Variants in ZFHX3 observed in about 807,000 individuals in gnomAD.
ZFHX3 encodes the protein zinc finger homeobox 3, also known as zinc finger homeobox protein 3.
ZFHX3 carries 42 observed loss-of-function variants against 279.1 expected under a neutral mutation model. The ratio of observed to expected loss-of-function variants is 0.15; its 90% CI spans 0.12 to 0.19. The LOEUF is 0.19. Among genes scored for constraint, ZFHX3 ranks in the 10% least tolerant of loss-of-function variants. The pLI is 1.00. For missense variants in ZFHX3, 4,981 were observed against 4,754.0 expected, an observed-to-expected ratio of 1.05 and a Z score of -1.40; for synonymous variants, 2,293 against 1,957.8, an observed-to-expected ratio of 1.17 and a Z score of -4.52.
intron 1 of ZFHX3, among the ~76,000 whole-genome samples, chr16:73,685,343 G>A (rs551338312): frequency 2.6e-5 from 4 of 152,290 alleles, no homozygotes; most frequent in African/African-American, 2.4e-5. Flanking sequence ...AATGTAAGAG[G>A]GAGGCAGAAG....
intron 5 of ZFHX3, among the ~76,000 whole-genome samples, chr16:73,229,154 T>C (rs2012694294): frequency 6.6e-6 from 1 of 152,188 alleles, no homozygotes; most frequent in Non-Finnish European, 1.5e-5. Flanking sequence ...TGGGAAGTGA[T>C]TCTCTGGAAA....
intron 2 of ZFHX3, among the ~76,000 whole-genome samples, chr16:73,471,918 G>A (rs1048928927): frequency 4.6e-5 from 7 of 152,090 alleles, no homozygotes; most frequent in African/African-American, 9.7e-5. Flanking sequence ...GAGCAAGCCC[G>A]CTGCATGGTG....
At chr16:73,023,566 C>G (rs2144656783) in intron 1 of ZFHX3, among the ~76,000 whole-genome samples, 1 of 152,364 alleles carries the variant, frequency 6.6e-6, no homozygotes, top group African/African-American at 2.4e-5. Flanking sequence ...CCACGATGCG[C>G]TACAGGCAGC....
At chr16:73,860,768 A>T (rs1961860950) in intron 1 of ZFHX3, among the ~76,000 whole-genome samples, 1 of 152,094 alleles carries the variant, frequency 6.6e-6, no homozygotes, top group African/African-American at 2.4e-5. Context: ...TCTGCTTGTC[A>T]TTCCTTTGGA....
At chr16:73,389,143 C>T (rs1453571817) in intron 3 of ZFHX3, 1 of 152,258 alleles carries the variant, frequency 6.6e-6, no homozygotes, top group African/African-American at 2.4e-5. Context: ...CCTCGAGTCC[C>T]TGTTGTGCTT....
rs552525395 is a variant in ZFHX3, at chr16:73,464,738, C to G, written c.-1546-8480G>C. 3.7e-4 allele frequency among the ~76,000 whole-genome samples: 56 copies of G among 152,350 alleles called. 3 individuals carry two copies. In the South Asian group the frequency reaches 0.011, roughly 29 times the overall value. Reference sequence around the variant, plus strand: ...CCTCAAATGCCGGCTGCCAATGTCACAGCTGTGCTGGGGCTCGGTCACGCC... The same window carrying G: ...CCTCAAATGCCGGCTGCCAATGTCAGAGCTGTGCTGGGGCTCGGTCACGCC... On this transcript the variant is annotated intron_variant, in intron 2 of 17. Transcript: ENST00000641206.
chr16:73,471,838 G>A (rs1463238209), intron 2 of ZFHX3, among the ~76,000 whole-genome samples: 5 of 152,064 alleles, frequency 3.3e-5, no homozygotes, highest in Admixed American at 6.6e-5. Flanking sequence ...GAATCTTTAG[G>A]GTTAGTCTTA....
At chr16:73,771,119 G>A (rs1402162306) in intron 1 of ZFHX3, among the ~76,000 whole-genome samples, 1 of 152,174 alleles carries the variant, frequency 6.6e-6, no homozygotes, top group Non-Finnish European at 1.5e-5. Context: ...AGAGACTGGG[G>A]TGATGACGGG....
intron 5 of ZFHX3, 89 bp downstream of exon 5, chr16:72,829,690 G>T: frequency 6.9e-7 from 1 of 1,459,080 alleles, no homozygotes; most frequent in Non-Finnish European, 9.6e-7. Context: ...TCCCTGACTT[G>T]TTAGCTCCAT....
chr16:73,338,819 T>C (rs182324046), intron 3 of ZFHX3, among the ~76,000 whole-genome samples: 7 of 152,296 alleles, frequency 4.6e-5, no homozygotes, highest in Admixed American at 6.5e-5. Flanking sequence ...GAGTGACTCA[T>C]GGGGCGGATT....
chr16:72,799,934 G>A lies in ZFHX3; in HGVS notation c.3967+93C>T. On this transcript the variant is annotated intron_variant, in intron 8 of 9. Coordinates refer to ENST00000268489, the MANE Select transcript of ZFHX3 (RefSeq NM_006885.4). ...CTGATCAGTTACATTCACCTTAAGA[G>A]TATTGTAAAGAATTCCTGAAAACCT... The A allele has an allele frequency of 3.6e-6, 4 of 1,115,178 alleles. No homozygotes were observed. The South Asian group carries it at 5.1e-5, about 14-fold the overall frequency. 69.1% of individuals were successfully genotyped at this position (1,115,178 alleles called of 1,614,324 possible).
intron 1 of ZFHX3, among the ~76,000 whole-genome samples, chr16:73,709,104 G>C (rs748834687): frequency 1.2e-4 from 19 of 152,096 alleles, no homozygotes; most frequent in Non-Finnish European, 2.6e-4. Flanking sequence ...GTCTACTGCA[G>C]CATTATTCAC....
intron 2 of ZFHX3, among the ~76,000 whole-genome samples, chr16:73,582,130 A>T (rs969356781): frequency 6.6e-6 from 1 of 151,996 alleles, no homozygotes; most frequent in Non-Finnish European, 1.5e-5. Context: ...CAATGGCTAG[A>T]AACTCTGGAA....
At chr16:73,325,908 C>CACAT (rs1359428543) in intron 3 of ZFHX3, among the ~76,000 whole-genome samples, 1 of 107,466 alleles carries the variant, frequency 9.3e-6, no homozygotes, top group Non-Finnish European at 2.1e-5. Flanking sequence ...CACAAACACA[C>CACAT]ACACACACAC....
chr16:73,086,928 A>G (rs1461444039), intron 8 of ZFHX3, among the ~76,000 whole-genome samples: 1 of 152,030 alleles, frequency 6.6e-6, no homozygotes, highest in Non-Finnish European at 1.5e-5. Context: ...ACAGAAAACC[A>G]AAACCACAAA....
At chr16:73,256,522 A>T (rs1324800649) in intron 5 of ZFHX3, among the ~76,000 whole-genome samples, 1 of 152,322 alleles carries the variant, frequency 6.6e-6, no homozygotes, top group Middle Eastern at 3.4e-3. Flanking sequence ...AACCTCAGAG[A>T]TTCTGACTTG....
chr16:73,727,353 G>A (rs1449311459), intron 1 of ZFHX3, among the ~76,000 whole-genome samples: 1 of 152,228 alleles, frequency 6.6e-6, no homozygotes, highest in Non-Finnish European at 1.5e-5. Flanking sequence ...CACAACTGGG[G>A]TAACCGAGTA....
At position 73,817,525 on chromosome 16, in the gene ZFHX3, G is replaced by A. The variant is rs144373334; in HGVS notation, c.-1608+74126C>T. ...CACCCTAACGGCGAGTCTTAAAATC[G>A]CGGTTCTGACAGAGAGATTGGGAAG... On this transcript the variant is annotated intron_variant, in intron 1 of 17. Coordinates refer to the ZFHX3 transcript ENST00000641206. 4.6e-5 allele frequency among the ~76,000 whole-genome samples: 7 copies of A among 152,152 alleles called. 1 individual carries two copies. The South Asian group carries it at 6.2e-4, about 14-fold the overall frequency.
At chr16:73,702,567 C>T (rs1050809028) in intron 1 of ZFHX3, among the ~76,000 whole-genome samples, 1 of 152,162 alleles carries the variant, frequency 6.6e-6, no homozygotes, top group Non-Finnish European at 1.5e-5. Context: ...CCCGAAATAT[C>T]ACCTGTGCAG....
Sources: allele counts gnomAD v4.1 joint callset (sites outside exome capture counted in the v4.1 genomes callset), GRCh38; gene constraint gnomAD v4.1.1; transcripts MANE v1.5; gene names NCBI Gene and HGNC (gene_info 2026-07-23, HGNC 2026-07-21).